The following GLIS3 variants were observed in gnomAD, a reference collection of about 807,000 sequenced individuals.
The protein encoded by GLIS3 is GLIS family zinc finger 3.
GLIS3 carries 53 observed loss-of-function variants against 78.6 expected under a neutral mutation model. The ratio of observed to expected loss-of-function variants is 0.67; its 90% CI spans 0.54 to 0.85. GLIS3 has a LOEUF of 0.85. GLIS3 is among the 40% of genes least tolerant of loss of function. The pLI is 0.00. For synonymous variants in GLIS3, 684 were observed against 509.9 expected, an observed-to-expected ratio of 1.34 and a Z score of -4.60; for missense variants, 1,703 against 1,231.1, an observed-to-expected ratio of 1.38 and a Z score of -5.74.
the GLIS3 span, among the ~76,000 whole-genome samples, chr9:4,400,658 A>G: frequency 6.6e-6 from 1 of 152,320 alleles, no homozygotes; most frequent in East Asian, 1.9e-4. Context: ...CAACTATCAC[A>G]TTGTCTAAAA....
the GLIS3 span, among the ~76,000 whole-genome samples, chr9:4,470,997 C>T: frequency 2.6e-4 from 39 of 151,308 alleles, no homozygotes; most frequent in Admixed American, 2.5e-3. Context: ...AGTGAACTCC[C>T]ATTCACAATT....
rs144648063 is a variant in GLIS3 at position 3,829,428 on chromosome 9, C to A, written c.2538G>T (p.Pro846=). The A allele has an allele frequency of 2.5e-6, 4 of 1,613,984 alleles. No homozygotes were observed. Among genetic ancestry groups the A allele is most frequent in the African/African-American group, 1.3e-5 (1 of 74,888 alleles). The change falls in exon 10 of 11, where the codon CCG becomes CCT. Residue 846 remains proline, a synonymous_variant. Transcript: ENST00000381971. ...GCACCACACTGCAGGAGCTGACAGG[C>A]GGCACAATTCTCTGGGAATCGGGGT... ...PHYPDSQRIV[P]PVSSCSVVPS... is the part of the protein sequence containing the mutation.
chr9:4,003,440 A>G (rs750585571), intron 4 of GLIS3, among the ~76,000 whole-genome samples: 2 of 152,192 alleles, frequency 1.3e-5, no homozygotes, highest in Non-Finnish European at 2.9e-5. Flanking sequence ...CCCTCTTACC[A>G]AACGACAAAT....
chr9:4,311,183 C>T (rs60902118), intron 2 of GLIS3, among the ~76,000 whole-genome samples: 21,470 of 152,108 alleles, frequency 0.14, 1,680 homozygotes, highest in Admixed American at 0.17. Context: ...CTGAGGCAGG[C>T]GGATCACTTG....
At chr9:4,185,831 T>C (rs1016768329) in intron 2 of GLIS3, among the ~76,000 whole-genome samples, 4 of 152,114 alleles carry the variant, frequency 2.6e-5, no homozygotes, top group Admixed American at 6.5e-5. Flanking sequence ...GAGTTCCCCA[T>C]TGGCCAGACC....
intron 4 of GLIS3, among the ~76,000 whole-genome samples, chr9:4,307,520 G>A (rs1817258103): frequency 6.6e-6 from 1 of 150,812 alleles, no homozygotes; most frequent in Non-Finnish European, 1.5e-5. Context: ...GGAGAATAAT[G>A]TCCCCCCGGC....
the GLIS3 span, among the ~76,000 whole-genome samples, chr9:4,399,845 T>G: frequency 6.6e-6 from 1 of 152,300 alleles, no homozygotes; most frequent in South Asian, 2.1e-4. Flanking sequence ...GGCATGATGC[T>G]GTAGCTGAGA....
the GLIS3 span, among the ~76,000 whole-genome samples, chr9:4,456,820 T>C: frequency 6.6e-6 from 1 of 152,218 alleles, no homozygotes; most frequent in African/African-American, 2.4e-5. Context: ...AGTCAGAACA[T>C]ACATATTTAT....
At chr9:3,984,949 C>T (rs928493517) in intron 4 of GLIS3, among the ~76,000 whole-genome samples, 1 of 152,132 alleles carries the variant, frequency 6.6e-6, no homozygotes, top group Admixed American at 6.5e-5. Context: ...ATGTGACTTG[C>T]TCGTCCTTGC....
intron 4 of GLIS3, among the ~76,000 whole-genome samples, chr9:3,982,084 G>C (rs1451807244): frequency 6.6e-6 from 1 of 151,984 alleles, no homozygotes; most frequent in African/African-American, 2.4e-5. Context: ...TAATTCCTTT[G>C]CTGTTTCCAC....
chr9:4,041,528 AGT>A (rs982726980), intron 4 of GLIS3, among the ~76,000 whole-genome samples: 4 of 152,184 alleles, frequency 2.6e-5, no homozygotes, highest in East Asian at 1.9e-4. Flanking sequence ...CTCCATTTTT[AGT>A]GTGTGTGTGT....
At chr9:4,168,431 T>G (rs769818486) in intron 2 of GLIS3, among the ~76,000 whole-genome samples, 2 of 152,196 alleles carry the variant, frequency 1.3e-5, no homozygotes, top group Non-Finnish European at 2.9e-5. Flanking sequence ...TGAATGGTTC[T>G]GTGTATCATA....
chr9:4,060,385 C>A (rs951947333), intron 4 of GLIS3, among the ~76,000 whole-genome samples: 2 of 152,182 alleles, frequency 1.3e-5, no homozygotes, highest in Non-Finnish European at 2.9e-5. Context: ...TTCAACTGAA[C>A]CTAACTTTAC....
At chr9:3,947,216 A>G (rs36101226) in intron 4 of GLIS3, among the ~76,000 whole-genome samples, 11,122 of 152,316 alleles carry the variant, frequency 0.073, 500 homozygotes, top group African/African-American at 0.11. Flanking sequence ...TTGACTGCAA[A>G]GATGAGAATT....
At chr9:3,929,776 G>A (rs571321464) in intron 6 of GLIS3, among the ~76,000 whole-genome samples, 1 of 152,194 alleles carries the variant, frequency 6.6e-6, no homozygotes, top group African/African-American at 2.4e-5. Flanking sequence ...GGTTATTTTT[G>A]ATTAATTCAC....
the GLIS3 span, among the ~76,000 whole-genome samples, chr9:4,465,305 T>C: frequency 6.6e-6 from 1 of 152,252 alleles, no homozygotes. Context: ...CCCGGCACTT[T>C]GGGAGGCCGA....
the GLIS3 span, among the ~76,000 whole-genome samples, chr9:4,452,765 A>G: frequency 4.6e-5 from 7 of 152,322 alleles, 1 homozygote; most frequent in South Asian, 1.2e-3. Flanking sequence ...TACAGATTCA[A>G]TGCTATCCCC....
the GLIS3 span, among the ~76,000 whole-genome samples, chr9:4,402,020 C>A: frequency 6.6e-6 from 1 of 152,162 alleles, no homozygotes; most frequent in East Asian, 1.9e-4. Flanking sequence ...CAATCCCTGG[C>A]TCCCAGACAA....
At chr9:3,983,075 T>C (rs543643210) in intron 4 of GLIS3, among the ~76,000 whole-genome samples, 1 of 152,322 alleles carries the variant, frequency 6.6e-6, no homozygotes, top group South Asian at 2.1e-4. Flanking sequence ...TCTTGAATTA[T>C]AACTCCCATA....
Sources: gnomAD v4.1 joint callset for allele counts (sites outside exome capture counted in the v4.1 genomes callset) on GRCh38, gnomAD v4.1.1 for gene constraint, MANE v1.5 for transcripts, NCBI Gene and HGNC (gene_info 2026-07-23, HGNC 2026-07-21) for gene names.